INSL6: variants seen among roughly 807,000 people sequenced by gnomAD.
INSL6 encodes insulin-like peptide INSL6.
In INSL6, 16 loss-of-function variants were observed where a neutral mutation model predicts 9.4. The observed-to-expected ratio is 1.70, with a 90% CI of 1.15 to 2.59. The LOEUF is 2.59. Among genes scored for constraint, INSL6 ranks in the 30% most tolerant of loss-of-function variants. The pLI is 0.00. For synonymous variants in INSL6, 154 were observed against 96.9 expected, an observed-to-expected ratio of 1.59 and a Z score of -3.46; for missense variants, 391 against 257.3, an observed-to-expected ratio of 1.52 and a Z score of -3.56.
At chr9:5,178,213 T>C (rs1251449827) in intron 1 of INSL6, among the ~76,000 whole-genome samples, 2 of 152,140 alleles carry the variant, frequency 1.3e-5, no homozygotes, top group African/African-American at 4.8e-5. Flanking sequence ...TCCTCCTCCC[T>C]GGGTGAGACC....
the INSL6 span, among the ~76,000 whole-genome samples, chr9:5,070,540 G>A: frequency 6.6e-6 from 1 of 152,022 alleles, no homozygotes; most frequent in African/African-American, 2.4e-5. Flanking sequence ...TGCATCCTAT[G>A]AACACTGTAT....
the INSL6 span, among the ~76,000 whole-genome samples, chr9:5,081,462 A>G: frequency 2.0e-5 from 3 of 152,162 alleles, no homozygotes; most frequent in Non-Finnish European, 4.4e-5. Flanking sequence ...AATAAGTATC[A>G]GTATATTACC....
the INSL6 span, chr9:5,042,090 G>T: frequency 4.3e-6 from 1 of 230,226 alleles, no homozygotes; most frequent in Non-Finnish European, 8.5e-6. Flanking sequence ...CGGGACGAGG[G>T]GTCACTTCCT....
At chr9:5,162,739 T>C (rs995416649), downstream of INSL6, among the ~76,000 whole-genome samples, 4 of 152,234 alleles carry the variant, frequency 2.6e-5, no homozygotes, top group Non-Finnish European at 4.4e-5. Context: ...ATGCAAAGTA[T>C]GTATGACACA....
chr9:5,054,421 A>T, the INSL6 span: 1 of 621,158 alleles, frequency 1.6e-6, no homozygotes, highest in South Asian at 2.1e-5. This position sits in a 1 kb window ranked among gnomAD's most constrained non-coding sequence, Gnocchi z 4.9. Flanking sequence ...GATGGGGGTT[A>T]TGTCAACTTA....
At chr9:5,166,008 C>T (rs1464733255) in intron 1 of INSL6, among the ~76,000 whole-genome samples, 5 of 152,172 alleles carry the variant, frequency 3.3e-5, no homozygotes, top group Admixed American at 6.5e-5. Context: ...TAGCAATCCA[C>T]GTCATGTGAA....
At chr9:5,102,004 G>T in the INSL6 span, among the ~76,000 whole-genome samples, 2 of 152,158 alleles carry the variant, frequency 1.3e-5, no homozygotes, top group Admixed American at 1.3e-4. Flanking sequence ...TCCTCCAAAG[G>T]ATTGCAGCTC....
intron 1 of INSL6, among the ~76,000 whole-genome samples, chr9:5,178,668 C>G (rs933809702): frequency 5.9e-5 from 9 of 152,106 alleles, no homozygotes; most frequent in Admixed American, 2.0e-4. Flanking sequence ...ATACATAGAC[C>G]AATGGAACAG....
the INSL6 span, among the ~76,000 whole-genome samples, chr9:5,037,978 A>G: frequency 2.6e-5 from 4 of 152,336 alleles, no homozygotes; most frequent in Non-Finnish European, 5.9e-5. Flanking sequence ...CTTAATGTAC[A>G]TGAATATATA....
At chr9:5,024,269 T>C in the INSL6 span, among the ~76,000 whole-genome samples, 1 of 152,180 alleles carries the variant, frequency 6.6e-6, no homozygotes, top group Non-Finnish European at 1.5e-5. Context: ...AAAAAATTTT[T>C]TTTTGGCTTG....
chr9:5,132,347 C>T (rs1038258471), intron 3 of INSL6, among the ~76,000 whole-genome samples: 8 of 152,104 alleles, frequency 5.3e-5, no homozygotes, highest in Non-Finnish European at 8.8e-5. Flanking sequence ...AGATCATTCA[C>T]ATTTAATGGG....
intron 3 of INSL6, among the ~76,000 whole-genome samples, chr9:5,130,773 G>C (rs1355842295): frequency 6.7e-6 from 1 of 149,452 alleles, no homozygotes; most frequent in East Asian, 2.0e-4. Context: ...CTGTCGCCCA[G>C]CCTGGAGTGC....
At chr9:5,029,927 A>C in the INSL6 span, 19 of 1,567,546 alleles carry the variant, frequency 1.2e-5, no homozygotes, top group African/African-American at 2.8e-5. Flanking sequence ...CAGTAAAGTA[A>C]CTCACTTAAT....
chr9:5,126,801 C>A, intron 3 of INSL6: 2 of 1,554,670 alleles, frequency 1.3e-6, no homozygotes, highest in Non-Finnish European at 1.8e-6. Context: ...AAAGAAATGA[C>A]CTTCATTCTG....
At chr9:5,069,080 A>G in the INSL6 span, 1 of 1,610,768 alleles carries the variant, frequency 6.2e-7, no homozygotes, top group Non-Finnish European at 8.5e-7. Context: ...AATGAAGAGT[A>G]CAACCTCAGT....
the INSL6 span, among the ~76,000 whole-genome samples, chr9:5,058,851 A>G: frequency 6.6e-6 from 1 of 152,168 alleles, no homozygotes; most frequent in South Asian, 2.1e-4. Context: ...GAAGAAATAT[A>G]TATTCAAGTC....
chr9:5,089,409 G>A, the INSL6 span, among the ~76,000 whole-genome samples: 4 of 151,878 alleles, frequency 2.6e-5, no homozygotes. Flanking sequence ...GTATTGGCGG[G>A]CGCCTGTATT....
chr9:5,126,747 C>G, intron 3 of INSL6: 6 of 1,610,902 alleles, frequency 3.7e-6, no homozygotes, highest in Non-Finnish European at 5.1e-6. Context: ...CTTTAGGGAT[C>G]TAGCTCTTCG....
the INSL6 span, among the ~76,000 whole-genome samples, chr9:5,026,668 T>C: frequency 6.6e-6 from 1 of 152,232 alleles, no homozygotes; most frequent in Non-Finnish European, 1.5e-5. Flanking sequence ...GTGGAACTTC[T>C]AAAGACTTGT....
Sources: gnomAD v4.1 joint callset for allele counts (sites outside exome capture counted in the v4.1 genomes callset) on GRCh38, gnomAD v4.1.1 for gene constraint, Gnocchi (gnomAD v3.1) non-coding constraint, MANE v1.5 for transcripts, NCBI Gene and HGNC (gene_info 2026-07-23, HGNC 2026-07-21) for gene names.